Variants in CACNA1D observed in about 807,000 individuals in gnomAD.
CACNA1D encodes calcium voltage-gated channel subunit alpha1 D.
Under a neutral mutation model 257.1 loss-of-function variants are expected in CACNA1D, and 55 were observed. That is an observed-to-expected ratio of 0.21 (90% CI 0.17 to 0.27). The LOEUF (loss-of-function observed/expected upper bound fraction) is 0.27, where lower values mean the gene tolerates loss of function less well. CACNA1D is among the 10% of genes least tolerant of loss of function. CACNA1D has a pLI of 1.00. For missense variants in CACNA1D, 1,876 were observed against 2,784.0 expected (o/e 0.67, Z 7.34); for synonymous variants, 980 against 1,014.9 (o/e 0.97, Z 0.65).
intron 3 of CACNA1D, among the ~76,000 whole-genome samples, chr3:53,543,955 G>A (rs2092358502): frequency 6.6e-6 from 1 of 152,120 alleles, no homozygotes; most frequent in African/African-American, 2.4e-5. Flanking sequence ...ACACAGATTT[G>A]CTCATCTTTA....
rs2680650 is a variant in CACNA1D, at chr3:53,741,947, G to A, written c.2812-1064G>A. Among the ~76,000 whole-genome samples the A allele has an allele frequency of 1.5e-4, 23 of 152,128 alleles. No homozygotes were observed. The South Asian group carries it at 4.4e-3, about 29-fold the overall frequency. ...AAAATGATTGTTACTTTTTAATTTC[G>A]GTAGAATTGCTTCACCGACTTAAAT... is the stretch of plus-strand genomic sequence containing the variant. On this transcript the variant is annotated intron_variant, in intron 21 of 47. Coordinates refer to ENST00000350061, the MANE Select transcript of CACNA1D (RefSeq NM_001128840.3).
chr3:53,601,954 G>T (rs1399597772), intron 3 of CACNA1D, among the ~76,000 whole-genome samples: 1 of 151,974 alleles, frequency 6.6e-6, no homozygotes, highest in Non-Finnish European at 1.5e-5. Flanking sequence ...CAGGTAATCG[G>T]CCCGCCTCAG....
chr3:53,772,284 G>A (rs1414417277), intron 32 of CACNA1D, among the ~76,000 whole-genome samples: 2 of 152,150 alleles, frequency 1.3e-5, no homozygotes, highest in African/African-American at 4.8e-5. Flanking sequence ...GCATCCTACA[G>A]CCACAGCCAG....
intron 31 of CACNA1D, 35 bp from the exon 32 acceptor site, chr3:53,770,389 C>G: frequency 1.2e-6 from 2 of 1,607,562 alleles, no homozygotes; most frequent in Non-Finnish European, 1.7e-6. Context: ...GTTCTACTTT[C>G]CATTGGGTTT....
At chr3:53,663,348 AACAGGGAAGG>A (rs72323753) in intron 5 of CACNA1D, among the ~76,000 whole-genome samples, 5,080 of 152,268 alleles carry the variant, frequency 0.033, 239 homozygotes, top group African/African-American at 0.1. Flanking sequence ...GTGGAGAGAC[AACAGGGAAGG>A]ACAGGGAAGG....
At chr3:53,741,468 T>C (rs947606045) in intron 21 of CACNA1D, among the ~76,000 whole-genome samples, 3 of 152,158 alleles carry the variant, frequency 2.0e-5, no homozygotes, top group African/African-American at 7.2e-5. Context: ...TTGAGGTTGG[T>C]TTTTTTATTT....
At chr3:53,643,913 G>C (rs2093991385) in intron 3 of CACNA1D, among the ~76,000 whole-genome samples, 1 of 152,198 alleles carries the variant, frequency 6.6e-6, no homozygotes, top group Non-Finnish European at 1.5e-5. Flanking sequence ...GGAGCAGGTG[G>C]CTGTGCTGAG....
chr3:53,749,547 T>A, intron 27 of CACNA1D, 78 bp downstream of exon 27: 1 of 1,039,574 alleles, frequency 9.6e-7, no homozygotes. Flanking sequence ...ATTTCCCCCA[T>A]ACCCAGAGAA....
intron 3 of CACNA1D, among the ~76,000 whole-genome samples, chr3:53,572,323 G>T (rs116416946): frequency 6.6e-6 from 1 of 151,984 alleles, no homozygotes. Flanking sequence ...CTCTACCATC[G>T]AAATCATCAA....
chr3:53,724,020 C>G (rs891685157), intron 14 of CACNA1D, 21 bp downstream of exon 14: 6 of 1,593,238 alleles, frequency 3.8e-6, no homozygotes, highest in Non-Finnish European at 5.2e-6. Context: ...CCTCCATTCC[C>G]CGAAAAGCAC....
chr3:53,790,109 C>T (rs3774604), intron 40 of CACNA1D, among the ~76,000 whole-genome samples: 43,376 of 152,104 alleles, frequency 0.29, 7,434 homozygotes, highest in Admixed American at 0.42. Context: ...TTTCCTCTTG[C>T]GCATCTCCTA....
rs1459729554 is a variant in CACNA1D at position 53,718,783 on chromosome 3, T to C, written c.1478+395T>C. 15 of 1,506,866 alleles carry C rather than the reference T, an allele frequency of 1.0e-5. No homozygotes were observed. In the African/African-American group the frequency reaches 1.9e-4, roughly 19 times the overall value. 93.3% of individuals were successfully genotyped at this position (1,506,866 alleles called of 1,614,324 possible). On this transcript the variant is annotated intron_variant, in intron 10 of 47. Transcript: ENST00000350061. ...CCTTCCAGCCTGGGTTTGGCATTTG[T>C]GCTTTTGAAGAAGAGCTTCTGTGGC...
Position 53,751,981 on chromosome 3 carries a change from G to A in CACNA1D, c.3675+74G>A. The A allele has an allele frequency of 1.4e-6, 2 of 1,437,628 alleles. No homozygotes were observed. The highest frequency in any genetic ancestry group is 2.0e-6 in the Non-Finnish European group (2 of 1,019,626). 89.1% of individuals were successfully genotyped at this position (1,437,628 alleles called of 1,614,324 possible). ...CCCCGTGCCCCAAATGCTGAGGGTG[G>A]AATGCTGCCCCTCACAGGAGGGGTT... On this transcript the variant is annotated intron_variant, in intron 28 of 47. Transcript: ENST00000350061. The surrounding 1 kb of genome is among the most constrained non-coding windows in gnomAD (Gnocchi z 4.3).
intron 19 of CACNA1D, among the ~76,000 whole-genome samples, chr3:53,734,058 A>G (rs2095032525): frequency 7.2e-6 from 1 of 138,744 alleles, no homozygotes; most frequent in Non-Finnish European, 1.5e-5. Context: ...ATGTTGAGGG[A>G]ATGCATTTAT....
At chr3:53,630,053 C>CT (rs777114856) in intron 3 of CACNA1D, among the ~76,000 whole-genome samples, 3 of 152,178 alleles carry the variant, frequency 2.0e-5, no homozygotes, top group Non-Finnish European at 4.4e-5. Flanking sequence ...AGGTTGGTTA[C>CT]TTTAAAAAGC....
In CACNA1D at chr3:53,673,631, A is replaced by G; in HGVS notation, c.1220+505A>G. 2 of 992,750 alleles carry G rather than the reference A, an allele frequency of 2.0e-6. No individual in the cohort carries two copies. The highest frequency in any genetic ancestry group is 3.3e-6 in the Non-Finnish European group (2 of 613,510). 61.5% of individuals were successfully genotyped at this position (992,750 alleles called of 1,614,324 possible). A position where few individuals can be genotyped will look rare whatever the true frequency, so the allele number is the denominator to read the frequency against. On this transcript the variant is annotated intron_variant, in intron 8 of 47. Coordinates refer to ENST00000350061, the MANE Select transcript of CACNA1D (RefSeq NM_001128840.3). This position sits in a 1 kb window ranked among gnomAD's most constrained non-coding sequence, Gnocchi z 4.1. Reference sequence around the variant, plus strand: ...TAGGAGCACTAACCTTCAGCAAAGCACTGAGAGGTTTGGCAGCTGCAACTG... The same window carrying G: ...TAGGAGCACTAACCTTCAGCAAAGCGCTGAGAGGTTTGGCAGCTGCAACTG...
At chr3:53,678,035 A>G (rs2108444478) in intron 8 of CACNA1D, among the ~76,000 whole-genome samples, 1 of 152,382 alleles carries the variant, frequency 6.6e-6, no homozygotes, top group East Asian at 1.9e-4. Context: ...TTGATGCAAG[A>G]AAAGAATCGA....
At chr3:53,737,027 G>A (rs1000011616) in intron 20 of CACNA1D, among the ~76,000 whole-genome samples, 2 of 152,164 alleles carry the variant, frequency 1.3e-5, no homozygotes, top group African/African-American at 4.8e-5. Context: ...GTGGCCAGGC[G>A]TGGTGGCTCA....
rs3774485 is a variant in CACNA1D, at chr3:53,626,199, C to T, written c.484-24580C>T. ...GTGTAGTGTGGCAGGTTGAGTTTGC[C>T]GCCCCGGGCACATCCCCTCATGGTC... On this transcript the variant is annotated intron_variant, in intron 3 of 47. Transcript: ENST00000350061. Among the ~76,000 whole-genome samples, 952 of 152,240 alleles carry T rather than the reference C, an allele frequency of 6.3e-3. 22 individuals carry two copies. The East Asian group carries it at 0.083, about 13-fold the overall frequency.
Sources: gnomAD v4.1 joint callset for allele counts (sites outside exome capture counted in the v4.1 genomes callset) on GRCh38, gnomAD v4.1.1 for gene constraint, Gnocchi (gnomAD v3.1) non-coding constraint, MANE v1.5 for transcripts, NCBI Gene and HGNC (gene_info 2026-07-23, HGNC 2026-07-21) for gene names.